Variants in TRHDE observed in about 807,000 individuals in gnomAD.
TRHDE encodes thyrotropin releasing hormone degrading enzyme, also known as thyrotropin-releasing hormone-degrading ectoenzyme.
A neutral mutation model predicts 125.7 loss-of-function variants in TRHDE; 72 were observed. The observed-to-expected ratio is 0.57, with a 90% CI of 0.47 to 0.70. The LOEUF (loss-of-function observed/expected upper bound fraction) is 0.70. Ranked by LOEUF, TRHDE falls within the 30% of genes least tolerant of loss-of-function variation. The pLI is 0.00. For missense variants in TRHDE, 1,110 were observed against 1,327.1 expected (o/e 0.84, Z 2.54); for synonymous variants, 509 against 509.1 (o/e 1.00, Z 0.00).
At chr12:72,490,005 A>G (rs1877588948) in intron 5 of TRHDE, among the ~76,000 whole-genome samples, 2 of 151,960 alleles carry the variant, frequency 1.3e-5, no homozygotes, top group African/African-American at 4.8e-5. Context: ...GACTACATCA[A>G]ACTAAAAAGC....
At chr12:72,427,286 G>C (rs1381576902) in intron 3 of TRHDE, among the ~76,000 whole-genome samples, 1 of 151,968 alleles carries the variant, frequency 6.6e-6, no homozygotes, top group Non-Finnish European at 1.5e-5. Context: ...GATCTACAAG[G>C]GGCCCTGATT....
At chr12:72,166,607 A>G (rs894592251) in intron 2 of TRHDE, among the ~76,000 whole-genome samples, 4 of 152,194 alleles carry the variant, frequency 2.6e-5, no homozygotes, top group African/African-American at 7.2e-5. Context: ...AAAGTATTAC[A>G]TATTTCTAAG....
intron 2 of TRHDE, among the ~76,000 whole-genome samples, chr12:72,325,139 G>C (rs1869280611): frequency 1.4e-5 from 2 of 145,104 alleles, no homozygotes; most frequent in African/African-American, 5.1e-5. Flanking sequence ...CAAAAACATT[G>C]CCCACAGCCA....
intron 2 of TRHDE, among the ~76,000 whole-genome samples, chr12:72,142,948 C>T (rs1029653105): frequency 2.6e-5 from 4 of 151,972 alleles, no homozygotes; most frequent in South Asian, 2.1e-4. Context: ...TCCTCAAGCC[C>T]GTGTGTGACC....
chr12:72,095,749 C>T (rs911627370), intron 1 of TRHDE, among the ~76,000 whole-genome samples: 6 of 152,122 alleles, frequency 3.9e-5, no homozygotes, highest in African/African-American at 1.4e-4. Context: ...ACTTGTTGTT[C>T]CTATACTCAG....
chr12:72,404,739 G>A (rs1327868316), intron 3 of TRHDE, among the ~76,000 whole-genome samples: 1 of 152,058 alleles, frequency 6.6e-6, no homozygotes, highest in Non-Finnish European at 1.5e-5. Flanking sequence ...CACCACACAT[G>A]GGAATTATGG....
chr12:72,200,636 T>C (rs908905184), intron 2 of TRHDE, among the ~76,000 whole-genome samples: 4 of 152,060 alleles, frequency 2.6e-5, no homozygotes, highest in South Asian at 2.1e-4. Flanking sequence ...AAAGGAGATA[T>C]AATGAAGAAA....
chr12:72,636,614 C>T (rs986340800), intron 15 of TRHDE, among the ~76,000 whole-genome samples: 1 of 151,988 alleles, frequency 6.6e-6, no homozygotes, highest in African/African-American at 2.4e-5. Flanking sequence ...AGTTTTTGCC[C>T]ATTCAGTATG....
chr12:72,264,482 G>A (rs1027394455), intron 2 of TRHDE: 4 of 151,916 alleles, frequency 2.6e-5, no homozygotes, highest in African/African-American at 4.8e-5. Context: ...TGCCACTTAC[G>A]TTATGCAAGA....
chr12:72,589,991 T>C (rs762561874), intron 12 of TRHDE, among the ~76,000 whole-genome samples: 3 of 152,002 alleles, frequency 2.0e-5, no homozygotes, highest in African/African-American at 7.2e-5. Flanking sequence ...GATTGAGATA[T>C]TTTTTCTTTT....
intron 12 of TRHDE, among the ~76,000 whole-genome samples, chr12:72,595,721 T>A (rs1871910593): frequency 6.6e-6 from 1 of 152,154 alleles, no homozygotes; most frequent in Non-Finnish European, 1.5e-5. Flanking sequence ...ATGCTTAGAT[T>A]CCCCATCTCC....
chr12:72,363,187 A>G (rs1871185484), intron 2 of TRHDE, among the ~76,000 whole-genome samples: 1 of 151,798 alleles, frequency 6.6e-6, no homozygotes, highest in Non-Finnish European at 1.5e-5. Flanking sequence ...GAATTCTACC[A>G]GAGGTACGAG....
intron 2 of TRHDE, among the ~76,000 whole-genome samples, chr12:72,122,581 A>T (rs1359420659): frequency 6.6e-6 from 1 of 152,138 alleles, no homozygotes; most frequent in Non-Finnish European, 1.5e-5. Context: ...GATACTATTT[A>T]TACTTTAATT....
At position 72,545,188 on chromosome 12, in the gene TRHDE, A is replaced by C. The variant is rs1349595662; in HGVS notation, c.1788+2832A>C. 1.3e-5 allele frequency among the ~76,000 whole-genome samples: 2 copies of C among 151,608 alleles called. 1 individual carries two copies. Among genetic ancestry groups the C allele is most frequent in the Middle Eastern group, 6.8e-3 (2 of 294 alleles). ...GTTAGATTATGTGTCACTAATAAAT[A>C]TTTTTTAAATGCAAAAATGTTTACA... On this transcript the variant is annotated intron_variant, in intron 7 of 18. Coordinates refer to ENST00000261180, the MANE Select transcript of TRHDE (RefSeq NM_013381.3).
At chr12:72,340,528 A>G (rs1429966946) in intron 2 of TRHDE, among the ~76,000 whole-genome samples, 2 of 152,160 alleles carry the variant, frequency 1.3e-5, no homozygotes, top group Non-Finnish European at 2.9e-5. Context: ...TCTCTCTTAC[A>G]TAAAAGGAGT....
chr12:72,196,400 A>C (rs912576809), intron 2 of TRHDE, among the ~76,000 whole-genome samples: 2 of 152,108 alleles, frequency 1.3e-5, no homozygotes, highest in South Asian at 4.1e-4. Context: ...GGTTTCTTTC[A>C]GCAGTGTTTT....
At chr12:72,300,674 C>T (rs533804504) in intron 2 of TRHDE, among the ~76,000 whole-genome samples, 4 of 151,454 alleles carry the variant, frequency 2.6e-5, no homozygotes, top group Admixed American at 1.3e-4. Flanking sequence ...TACACACACA[C>T]ATATATATAC....
intron 2 of TRHDE, among the ~76,000 whole-genome samples, chr12:72,245,202 A>G (rs1030705890): frequency 6.6e-6 from 1 of 151,728 alleles, no homozygotes; most frequent in African/African-American, 2.4e-5. Context: ...TGGTTTAGAA[A>G]TTCATTCACA....
At chr12:72,239,222 C>T (rs186855078) in intron 2 of TRHDE, among the ~76,000 whole-genome samples, 1,339 of 119,882 alleles carry the variant, frequency 0.011, 21 homozygotes, top group African/African-American at 0.037. Context: ...ATCCTTTGCC[C>T]ACTTTTTGAT....
Sources: allele counts gnomAD v4.1 joint callset (sites outside exome capture counted in the v4.1 genomes callset), GRCh38; gene constraint gnomAD v4.1.1; transcripts MANE v1.5; gene names NCBI Gene and HGNC (gene_info 2026-07-23, HGNC 2026-07-21).